Variants in NKAIN2 observed in about 807,000 individuals in gnomAD.
NKAIN2 encodes the protein sodium/potassium transporting ATPase interacting 2.
NKAIN2 carries 14 observed loss-of-function variants against 32.6 expected under a neutral mutation model. The ratio of observed to expected loss-of-function variants is 0.43; its 90% confidence interval spans 0.28 to 0.67. NKAIN2 has a LOEUF of 0.67. Ranked by LOEUF, NKAIN2 falls within the 30% of genes least tolerant of loss-of-function variation. The pLI, the probability that NKAIN2 is intolerant of heterozygous loss-of-function variation, is 0.17. For missense variants in NKAIN2, 198 were observed against 258.3 expected, an observed-to-expected ratio of 0.77 and a Z score of 1.60; for synonymous variants, 80 against 87.2, an observed-to-expected ratio of 0.92 and a Z score of 0.46.
intron 1 of NKAIN2, among the ~76,000 whole-genome samples, chr6:123,926,332 T>C (rs1776001687): frequency 5.3e-5 from 8 of 152,190 alleles, no homozygotes; most frequent in Admixed American, 4.6e-4. Flanking sequence ...TTCTGGACAC[T>C]ACTACTTGAA....
intron 1 of NKAIN2, among the ~76,000 whole-genome samples, chr6:123,957,790 A>C (rs1192386389): frequency 6.6e-6 from 1 of 152,186 alleles, no homozygotes; most frequent in South Asian, 2.1e-4. Flanking sequence ...TTGTTTCTTA[A>C]AGTAATTAAT....
At chr6:124,813,014 C>G (rs189877591) in intron 5 of NKAIN2, among the ~76,000 whole-genome samples, 58 of 114,386 alleles carry the variant, frequency 5.1e-4, no homozygotes, top group Non-Finnish European at 7.1e-4. Context: ...AAGAAAACAT[C>G]TCTCATAACT....
intron 2 of NKAIN2, among the ~76,000 whole-genome samples, chr6:124,344,688 C>T (rs1798314190): frequency 2.0e-5 from 3 of 152,112 alleles, no homozygotes; most frequent in Non-Finnish European, 4.4e-5. Context: ...ATTTTGTATC[C>T]TGAGACTTTG....
At chr6:124,293,346 TA>T in intron 2 of NKAIN2, among the ~76,000 whole-genome samples, 1 of 152,162 alleles carries the variant, frequency 6.6e-6, no homozygotes, top group African/African-American at 2.4e-5. Context: ...ATTCAACTTT[TA>T]CTATTTTTAA....
intron 3 of NKAIN2, among the ~76,000 whole-genome samples, chr6:124,435,575 A>G (rs745888077): frequency 1.3e-5 from 2 of 152,088 alleles, no homozygotes; most frequent in Non-Finnish European, 2.9e-5. Flanking sequence ...TGCACTTCCC[A>G]CAGTCTCACA....
intron 3 of NKAIN2, among the ~76,000 whole-genome samples, chr6:124,470,520 G>T (rs942520455): frequency 6.6e-6 from 1 of 152,046 alleles, no homozygotes. Context: ...ATTATAATTA[G>T]GAGAGACAAT....
chr6:124,384,574 G>A (rs1583165384), intron 3 of NKAIN2, among the ~76,000 whole-genome samples: 1 of 151,664 alleles, frequency 6.6e-6, no homozygotes, highest in Non-Finnish European at 1.5e-5. Context: ...CTTATGGCTT[G>A]TATTTGCTTG....
chr6:124,621,075 A>C (rs1257569197), intron 3 of NKAIN2, among the ~76,000 whole-genome samples: 1 of 152,162 alleles, frequency 6.6e-6, no homozygotes, highest in Non-Finnish European at 1.5e-5. Flanking sequence ...GACCTTTAAG[A>C]ACGTAGCGAG....
chr6:124,382,119 AT>A (rs34315579), intron 3 of NKAIN2, among the ~76,000 whole-genome samples: 8 of 151,364 alleles, frequency 5.3e-5, no homozygotes, highest in Admixed American at 1.3e-4. Flanking sequence ...GCAATTACCC[AT>A]TTTTTTTGCA....
At chr6:123,967,791 G>A (rs1208651016) in intron 1 of NKAIN2, among the ~76,000 whole-genome samples, 2 of 152,152 alleles carry the variant, frequency 1.3e-5, no homozygotes, top group Non-Finnish European at 2.9e-5. Context: ...AGTATAGAGT[G>A]AGGGTTCTTT....
intron 1 of NKAIN2, among the ~76,000 whole-genome samples, chr6:124,025,057 A>G (rs1007612486): frequency 1.3e-5 from 2 of 152,094 alleles, no homozygotes; most frequent in Admixed American, 6.6e-5. Flanking sequence ...CTATGCATGC[A>G]TTGTATAACT....
rs543595425 is a variant in NKAIN2 at position 124,228,373 on chromosome 6, C to T, written c.55-54632C>T. On this transcript the variant is annotated intron_variant, in intron 1 of 6. Coordinates refer to ENST00000368417, the MANE Select transcript of NKAIN2 (RefSeq NM_001040214.3). Reference sequence around the variant, plus strand: ...CCAAGGAAAAGGCCCTCACCAGAACCTGGCCAGGCTGGCACCCTGACATCA... The same window carrying T: ...CCAAGGAAAAGGCCCTCACCAGAACTTGGCCAGGCTGGCACCCTGACATCA... Among the ~76,000 whole-genome samples the T allele has an allele frequency of 1.0e-3, 159 of 152,262 alleles. 1 individual carries two copies. The highest frequency in any genetic ancestry group is 3.7e-3 in the African/African-American group (153 of 41,554).
At chr6:124,388,327 C>G (rs1309890540) in intron 3 of NKAIN2, among the ~76,000 whole-genome samples, 1 of 150,876 alleles carries the variant, frequency 6.6e-6, no homozygotes, top group Non-Finnish European at 1.5e-5. Context: ...CTAGAAACCT[C>G]TACGGTGGTG....
chr6:124,669,196 C>T (rs9491210), intron 4 of NKAIN2, among the ~76,000 whole-genome samples: 58,725 of 151,830 alleles, frequency 0.39, 11,543 homozygotes, highest in African/African-American at 0.45. Flanking sequence ...TTTAGGATAA[C>T]CAATGGCATT....
chr6:124,272,974 C>T (rs1250840727), intron 1 of NKAIN2, among the ~76,000 whole-genome samples: 3 of 152,158 alleles, frequency 2.0e-5, no homozygotes, highest in Non-Finnish European at 2.9e-5. Flanking sequence ...GCCTGTTCCC[C>T]CACTGTATCT....
At chr6:124,555,336 C>CCGGA (rs1554225210) in intron 3 of NKAIN2, among the ~76,000 whole-genome samples, 2 of 151,366 alleles carry the variant, frequency 1.3e-5, no homozygotes, top group Non-Finnish European at 2.9e-5. Flanking sequence ...ATGACAGCCT[C>CCGGA]CTGACTGTGT....
chr6:124,062,065 G>A (rs1285637150), intron 1 of NKAIN2, among the ~76,000 whole-genome samples: 1 of 152,010 alleles, frequency 6.6e-6, no homozygotes, highest in Non-Finnish European at 1.5e-5. Context: ...TTTTAAAACC[G>A]TTTCTTTCAA....
intron 1 of NKAIN2, among the ~76,000 whole-genome samples, chr6:124,140,450 A>G (rs2114327401): frequency 6.6e-6 from 1 of 152,296 alleles, no homozygotes; most frequent in South Asian, 2.1e-4. Context: ...TATGCAGTGG[A>G]TTTTATGAGC....
At chr6:124,432,103 C>A (rs1216048124) in intron 3 of NKAIN2, among the ~76,000 whole-genome samples, 2 of 152,132 alleles carry the variant, frequency 1.3e-5, no homozygotes, top group Non-Finnish European at 2.9e-5. Flanking sequence ...TTGTAAGTGT[C>A]ACAATTGTGT....
Sources: gnomAD v4.1 joint callset for allele counts (sites outside exome capture counted in the v4.1 genomes callset) on GRCh38, gnomAD v4.1.1 for gene constraint, MANE v1.5 for transcripts, NCBI Gene and HGNC (gene_info 2026-07-23, HGNC 2026-07-21) for gene names.